The following CLCN7 variants were observed in gnomAD, a reference collection of about 807,000 sequenced individuals.
CLCN7 encodes H(+)/Cl(-) exchange transporter 7.
A neutral mutation model predicts 102.1 loss-of-function variants in CLCN7; 60 were observed. That is an observed-to-expected ratio of 0.59 (90% CI 0.48 to 0.73). The LOEUF (loss-of-function observed/expected upper bound fraction) is 0.73. Ranked by LOEUF, CLCN7 falls within the 30% of genes least tolerant of loss-of-function variation. The pLI, the probability that CLCN7 is intolerant of heterozygous loss-of-function variation, is 0.00. For missense variants in CLCN7, 962 were observed against 1,125.7 expected, an observed-to-expected ratio of 0.85 and a Z score of 2.08; for synonymous variants, 560 against 490.5, an observed-to-expected ratio of 1.14 and a Z score of -1.87.
chr16:1,461,303 G>T, intron 4 of CLCN7, 102 bp downstream of exon 4: 1 of 1,009,894 alleles, frequency 9.9e-7, no homozygotes, highest in Non-Finnish European at 1.5e-6. Context: ...AGAGGAGGAG[G>T]GAGGAGGTGC....
At chr16:1,460,785 C>CA in intron 5 of CLCN7, 31 bp downstream of exon 5, 1 of 1,613,712 alleles carries the variant, frequency 6.2e-7, no homozygotes, top group Non-Finnish European at 8.5e-7. Flanking sequence ...GCCCCCCTCC[C>CA]AAGCTGCAGC....
At chr16:1,458,621 G>A (rs552659573) in intron 7 of CLCN7, among the ~76,000 whole-genome samples, 23 of 152,354 alleles carry the variant, frequency 1.5e-4, no homozygotes, top group South Asian at 1.0e-3. Context: ...ACGGGGCTGC[G>A]GCAAGTCTCA....
intron 7 of CLCN7, 142 bp downstream of exon 7, chr16:1,458,965 C>T: frequency 1.5e-6 from 1 of 648,326 alleles, no homozygotes; most frequent in South Asian, 2.0e-5. Context: ...CCTTCACACC[C>T]AGCCAGCCCA....
chr16:1,455,345 C>T (rs1041088646), intron 11 of CLCN7, 95 bp from the exon 12 acceptor site: 29 of 875,646 alleles, frequency 3.3e-5, no homozygotes, highest in Middle Eastern at 2.9e-4. Flanking sequence ...CTGTCAGCCC[C>T]GGGGCCAGGA....
chr16:1,449,142 G>C (rs2038702425), intron 18 of CLCN7, 49 bp from the exon 19 acceptor site: 1 of 1,609,800 alleles, frequency 6.2e-7, no homozygotes, highest in Non-Finnish European at 8.5e-7. Context: ...CTGGCTCAGG[G>C]TCACGTGGCC....
intron 2 of CLCN7, among the ~76,000 whole-genome samples, chr16:1,464,379 G>C (rs1404312538): frequency 6.6e-6 from 1 of 152,178 alleles, no homozygotes; most frequent in Non-Finnish European, 1.5e-5. Context: ...GCTGACACCA[G>C]AGCAAAGGCT....
chr16:1,457,934 A>T lies in CLCN7; in HGVS notation c.676-178T>A, dbSNP rs539911097. 6.6e-6 allele frequency among the ~76,000 whole-genome samples: 1 copy of T among 152,304 alleles called. No individual in the cohort carries two copies. Among genetic ancestry groups the T allele is most frequent in the East Asian group, 1.9e-4 (1 of 5,168 alleles). ...CATGGCCACAGTGGAGCTAAACAGCAGCCAAGCGTCCCCCGCACTCACTCG... is the reference window on the plus strand; with the variant it reads ...CATGGCCACAGTGGAGCTAAACAGCTGCCAAGCGTCCCCCGCACTCACTCG... On this transcript the variant is annotated intron_variant, in intron 7 of 24. Transcript: ENST00000382745. The surrounding 1 kb of genome is among the most constrained non-coding windows in gnomAD (Gnocchi z 5.4).
Position 1,467,209 on chromosome 16 carries a change from A to C in CLCN7, c.142-1871T>G, listed in dbSNP as rs1395858556. 2.0e-5 allele frequency among the ~76,000 whole-genome samples: 3 copies of C among 152,200 alleles called. No individual in the cohort carries two copies. The East Asian group carries it at 5.8e-4, about 29-fold the overall frequency. Reference sequence around the variant, plus strand: ...GAGCAGAGGCCAGACAGACAGACAGACAGACTCGCAGGTGTCTGCCGTGGC... The same window carrying C: ...GAGCAGAGGCCAGACAGACAGACAGCCAGACTCGCAGGTGTCTGCCGTGGC... On this transcript the variant is annotated intron_variant, in intron 1 of 24. Coordinates refer to ENST00000382745, the MANE Select transcript of CLCN7 (RefSeq NM_001287.6).
chr16:1,447,620 C>G (rs1482128104), intron 22 of CLCN7, 35 bp downstream of exon 22: 3 of 1,551,640 alleles, frequency 1.9e-6, no homozygotes. Context: ...CCCCGGGGCC[C>G]CCACCCGCCC....
At chr16:1,461,052 G>A in intron 4 of CLCN7, 104 bp from the exon 5 acceptor site, 1 of 1,431,526 alleles carries the variant, frequency 7.0e-7, no homozygotes, top group Non-Finnish European at 9.5e-7. Context: ...ATTATGAAGG[G>A]CCCAGTGTGC....
intron 15 of CLCN7, chr16:1,452,413 A>G (rs1439732094): frequency 1.4e-5 from 5 of 353,434 alleles, no homozygotes; most frequent in Non-Finnish European, 2.7e-5. Flanking sequence ...CGCCAGGCAC[A>G]GGTCCAGTTG....
intron 12 of CLCN7, 107 bp from the exon 13 acceptor site, chr16:1,454,572 G>A (rs1191743479): frequency 1.8e-6 from 2 of 1,086,416 alleles, no homozygotes; most frequent in Non-Finnish European, 2.8e-6. Context: ...CCCACAGAGA[G>A]CCTTCCCGCC....
intron 24 of CLCN7, 89 bp from the exon 25 acceptor site, chr16:1,446,806 C>A (rs1004050652): frequency 1.6e-6 from 2 of 1,271,780 alleles, no homozygotes. Context: ...TGGGGCAGCA[C>A]AGGCAGGGGG....
In CLCN7 at chr16:1,457,251, C is replaced by T. The variant is rs2038848794; in HGVS notation, c.822+3G>A. On this transcript the variant is annotated splice_donor_region_variant and intron_variant, in intron 9 of 24. Transcript: ENST00000382745. This position sits in a 1 kb window ranked among gnomAD's most constrained non-coding sequence, Gnocchi z 5.4. ...AGCCCACCCACACAAGATTTCAACT[C>T]ACCTTGAAATCTCGTTTCAGTGACG... The T allele has an allele frequency of 6.2e-7, 1 of 1,613,070 alleles. No individual in the cohort carries two copies. Among genetic ancestry groups the T allele is most frequent in the African/African-American group, 1.3e-5 (1 of 74,934 alleles).
chr16:1,452,917 T>C, intron 14 of CLCN7, 24 bp from the exon 15 acceptor site: 1 of 1,559,288 alleles, frequency 6.4e-7, no homozygotes, highest in Non-Finnish European at 8.7e-7. Flanking sequence ...TCAGGCTGCA[T>C]GGCAGGCAGG....
chr16:1,451,971 G>A (rs1348315802), intron 15 of CLCN7: 4 of 486,092 alleles, frequency 8.2e-6, no homozygotes, highest in Non-Finnish European at 7.7e-6. Context: ...TCTAGCCCTG[G>A]GGGGTGGGTT....
At chr16:1,451,165 A>G (rs933384021) in intron 16 of CLCN7, among the ~76,000 whole-genome samples, 2 of 152,154 alleles carry the variant, frequency 1.3e-5, no homozygotes, top group African/African-American at 4.8e-5. Flanking sequence ...CTTGTGGTCG[A>G]GCGAGGCCAG....
intron 10 of CLCN7, 33 bp downstream of exon 10, chr16:1,456,080 G>A (rs1425258433): frequency 6.7e-7 from 1 of 1,493,258 alleles, no homozygotes; most frequent in Non-Finnish European, 9.1e-7. Context: ...CAGGGCGAGG[G>A]CAAAGCATTG....
rs574267245 is a variant in CLCN7 at position 1,447,278 on chromosome 16, T to A, written c.2250+114A>T. The A allele has an allele frequency of 4.0e-6, 5 of 1,237,076 alleles. No individual in the cohort carries two copies. In the East Asian group the frequency reaches 1.0e-4, roughly 25 times the overall value. 76.6% of individuals were successfully genotyped at this position (1,237,076 alleles called of 1,614,324 possible). Reference sequence around the variant, plus strand: ...GCCAGGCCCTTCACAGGAGACAGAGTCACCGAGTCCTCTCCGCTGTGGCCC... The same window carrying A: ...GCCAGGCCCTTCACAGGAGACAGAGACACCGAGTCCTCTCCGCTGTGGCCC... On this transcript the variant is annotated intron_variant, in intron 23 of 24. Transcript: ENST00000382745.
Sources: allele counts gnomAD v4.1 joint callset (sites outside exome capture counted in the v4.1 genomes callset), GRCh38; gene constraint gnomAD v4.1.1; non-coding constraint Gnocchi (gnomAD v3.1); transcripts MANE v1.5; gene names NCBI Gene and HGNC (gene_info 2026-07-23, HGNC 2026-07-21).